Variants in GALM observed in about 807,000 individuals in gnomAD.
GALM encodes galactose mutarotase, also known as aldose 1-epimerase.
GALM carries 43 observed loss-of-function variants against 37.4 expected under a neutral mutation model. That is an observed-to-expected ratio of 1.15 (90% CI 0.90 to 1.48). GALM has a LOEUF of 1.48. GALM is among the 40% of genes most tolerant of loss of function. GALM has a pLI of 0.00. For synonymous variants in GALM, 199 were observed against 170.6 expected (o/e 1.17, Z -1.30); for missense variants, 456 against 419.1 (o/e 1.09, Z -0.77).
At chr2:38,714,362 G>C (rs1373638114) in intron 4 of GALM, among the ~76,000 whole-genome samples, 6 of 152,008 alleles carry the variant, frequency 3.9e-5, no homozygotes, top group Non-Finnish European at 8.8e-5. Flanking sequence ...CTACAGGCGT[G>C]CACCACCACA....
chr2:38,699,497 CT>C (rs890618398), intron 4 of GALM, among the ~76,000 whole-genome samples: 5 of 152,140 alleles, frequency 3.3e-5, no homozygotes, highest in African/African-American at 1.2e-4. Context: ...CTTATTCCCC[CT>C]ATCTAGCTGT....
intron 4 of GALM, among the ~76,000 whole-genome samples, chr2:38,699,389 G>A (rs1440795313): frequency 1.3e-5 from 2 of 152,094 alleles, no homozygotes; most frequent in Non-Finnish European, 2.9e-5. Flanking sequence ...TCATTTTTTT[G>A]TGTTGGGACA....
At chr2:38,729,718 T>G (rs1666561169) in intron 5 of GALM, 21 bp downstream of exon 5, 1 of 1,599,652 alleles carries the variant, frequency 6.3e-7, no homozygotes, top group Admixed American at 1.7e-5. Flanking sequence ...TTTCACTTCC[T>G]GAGTCTGTAA....
chr2:38,677,426 G>T (rs1459681531), intron 2 of GALM, among the ~76,000 whole-genome samples: 1 of 152,148 alleles, frequency 6.6e-6, no homozygotes, highest in African/African-American at 2.4e-5. Flanking sequence ...CTGCCCCATG[G>T]GTTTCCCTTT....
intron 3 of GALM, among the ~76,000 whole-genome samples, chr2:38,686,226 TTCTTTC>T (rs1434508176): frequency 7.0e-5 from 1 of 14,216 alleles, no homozygotes; most frequent in Non-Finnish European, 1.2e-4. Context: ...GGAAATTTCT[TTCTTTC>T]TTTCTTTCTT....
chr2:38,711,697 C>A (rs866377754), intron 4 of GALM, among the ~76,000 whole-genome samples: 75 of 36,906 alleles, frequency 2.0e-3, no homozygotes, highest in Middle Eastern at 0.037. Context: ...GTCACCATCA[C>A]CATCATCATC....
intron 4 of GALM, among the ~76,000 whole-genome samples, chr2:38,725,686 TTTTTC>T (rs1206817615): frequency 1.3e-5 from 2 of 151,922 alleles, no homozygotes; most frequent in African/African-American, 4.8e-5. Flanking sequence ...TATTGTTGCC[TTTTTC>T]TTTTCATTTC....
At chr2:38,733,394 G>A (rs940489023) in intron 6 of GALM, 94 bp from the exon 7 acceptor site, 21 of 969,128 alleles carry the variant, frequency 2.2e-5, no homozygotes, top group African/African-American at 2.1e-4. Context: ...CATCCACAGA[G>A]CACTGGTCTA....
chr2:38,729,402 G>C (rs953953813), intron 4 of GALM, among the ~76,000 whole-genome samples, 154 bp from the exon 5 acceptor site: 1 of 151,974 alleles, frequency 6.6e-6, no homozygotes, highest in Non-Finnish European at 1.5e-5. Flanking sequence ...GGTAGAGATG[G>C]GGTCTCTGCA....
At chr2:38,679,897 G>A (rs1665353690) in intron 2 of GALM, among the ~76,000 whole-genome samples, 1 of 152,204 alleles carries the variant, frequency 6.6e-6, no homozygotes. Context: ...CACCCGATAA[G>A]TGTTCGTTTT....
chr2:38,703,054 T>TTTTATATA (rs1217839668), intron 4 of GALM, among the ~76,000 whole-genome samples: 11 of 13,958 alleles, frequency 7.9e-4, no homozygotes, highest in Admixed American at 3.6e-3. Context: ...ATGTGGGATT[T>TTTTATATA]TATATATATA....
intron 6 of GALM, among the ~76,000 whole-genome samples, chr2:38,732,477 T>C (rs1178860045): frequency 6.6e-6 from 1 of 152,348 alleles, no homozygotes; most frequent in East Asian, 1.9e-4. Context: ...CTTTATCCAG[T>C]TTGTTTCTCC....
intron 2 of GALM, chr2:38,680,224 G>A: frequency 3.3e-6 from 1 of 305,530 alleles, no homozygotes; most frequent in Non-Finnish European, 6.4e-6. Flanking sequence ...ATCTCACTAT[G>A]TTGCCCAGGC....
At chr2:38,720,331 T>C (rs1666351617) in intron 4 of GALM, among the ~76,000 whole-genome samples, 1 of 150,170 alleles carries the variant, frequency 6.7e-6, no homozygotes, top group Non-Finnish European at 1.5e-5. Context: ...AACTAACAAA[T>C]TTGTGTTTGT....
intron 1 of GALM, among the ~76,000 whole-genome samples, chr2:38,667,323 C>T (rs1040822965): frequency 6.6e-6 from 1 of 152,018 alleles, no homozygotes; most frequent in Non-Finnish European, 1.5e-5. Context: ...TTGGTTCTTC[C>T]GATACGTAAG....
At chr2:38,711,624 A>G (rs1204222008) in intron 4 of GALM, among the ~76,000 whole-genome samples, 1 of 151,514 alleles carries the variant, frequency 6.6e-6, no homozygotes, top group East Asian at 2.0e-4. Context: ...GGTGGTTAAG[A>G]ACATAGTCTC....
chr2:38,671,143 G>A (rs1005133911), intron 1 of GALM, among the ~76,000 whole-genome samples: 6 of 152,108 alleles, frequency 3.9e-5, no homozygotes, highest in Non-Finnish European at 7.3e-5. Context: ...CAATATTCAT[G>A]GCTTGACCTA....
At chr2:38,694,494 G>A (rs1268361000) in intron 4 of GALM, among the ~76,000 whole-genome samples, 1 of 152,026 alleles carries the variant, frequency 6.6e-6, no homozygotes, top group African/African-American at 2.4e-5. Context: ...ATATAAGAAA[G>A]GGAGAGAGAG....
intron 2 of GALM, among the ~76,000 whole-genome samples, 165 bp from the exon 3 acceptor site, chr2:38,681,115 G>GT (rs1665383464): frequency 6.8e-6 from 1 of 147,974 alleles, no homozygotes; most frequent in Non-Finnish European, 1.5e-5. Flanking sequence ...GGACAACATA[G>GT]TGAGACCCTG....
Sources: gnomAD v4.1 joint callset for allele counts (sites outside exome capture counted in the v4.1 genomes callset) on GRCh38, gnomAD v4.1.1 for gene constraint, MANE v1.5 for transcripts, NCBI Gene and HGNC (gene_info 2026-07-23, HGNC 2026-07-21) for gene names.